MELK: variants seen among roughly 807,000 people sequenced by gnomAD.
The protein encoded by MELK is pEg3 kinase.
MELK carries 81 observed loss-of-function variants against 85.0 expected under a neutral mutation model. That is an observed-to-expected ratio of 0.95 (90% confidence interval 0.80 to 1.15). MELK has a LOEUF of 1.15. MELK is among the 50% of genes most tolerant of loss of function. The pLI is 0.00. For synonymous variants in MELK, 252 were observed against 265.0 expected (o/e 0.95, Z 0.48); for missense variants, 754 against 777.5 (o/e 0.97, Z 0.36).
At chr9:36,574,865 G>A (rs1486974113) in intron 1 of MELK, among the ~76,000 whole-genome samples, 1 of 152,040 alleles carries the variant, frequency 6.6e-6, no homozygotes, top group Non-Finnish European at 1.5e-5. Flanking sequence ...GGCCGGGCGC[G>A]GTGGCTCACG....
intron 11 of MELK, among the ~76,000 whole-genome samples, chr9:36,650,753 G>GT (rs376721099): frequency 6.6e-6 from 1 of 152,236 alleles, no homozygotes; most frequent in Non-Finnish European, 1.5e-5. Flanking sequence ...GGGCTACATT[G>GT]TAAGATAGAG....
At chr9:36,669,091 AAAG>A (rs977685265) in intron 14 of MELK, among the ~76,000 whole-genome samples, 63 of 152,360 alleles carry the variant, frequency 4.1e-4, no homozygotes, top group African/African-American at 1.5e-3. Context: ...TGAAGAAAAA[AAAG>A]AAGAGCCACA....
intron 4 of MELK, among the ~76,000 whole-genome samples, chr9:36,592,285 C>T (rs1163751330): frequency 4.6e-5 from 7 of 150,664 alleles, no homozygotes. Context: ...AGTGATTTTC[C>T]TGCCCCAGCC....
At chr9:36,640,502 A>G (rs1441794975) in intron 10 of MELK, among the ~76,000 whole-genome samples, 1 of 152,120 alleles carries the variant, frequency 6.6e-6, no homozygotes, top group Non-Finnish European at 1.5e-5. Context: ...GCTGGAGTGC[A>G]GTGGCTTGAT....
At chr9:36,656,885 G>A (rs1462629328) in intron 12 of MELK, among the ~76,000 whole-genome samples, 1 of 152,190 alleles carries the variant, frequency 6.6e-6, no homozygotes, top group Non-Finnish European at 1.5e-5. Flanking sequence ...CCAAAGTGCT[G>A]GGATTACAGG....
chr9:36,587,755 C>T (rs903686460), intron 3 of MELK, among the ~76,000 whole-genome samples: 3 of 151,794 alleles, frequency 2.0e-5, no homozygotes, highest in African/African-American at 4.8e-5. Flanking sequence ...TGCCACCACG[C>T]CCAGCTAATT....
chr9:36,618,553 T>C (rs1827086484), intron 8 of MELK, among the ~76,000 whole-genome samples: 2 of 152,202 alleles, frequency 1.3e-5, no homozygotes, highest in African/African-American at 4.8e-5. Flanking sequence ...AGACAACTTG[T>C]TAAATCTAAT....
intron 11 of MELK, among the ~76,000 whole-genome samples, chr9:36,646,297 T>C (rs534541244): frequency 6.6e-6 from 1 of 152,280 alleles, no homozygotes; most frequent in South Asian, 2.1e-4. Flanking sequence ...TTCTGTGACA[T>C]CCTGAGAGCT....
At chr9:36,595,605 GTT>G (rs60428796) in intron 5 of MELK, among the ~76,000 whole-genome samples, 21,809 of 122,732 alleles carry the variant, frequency 0.18, 2,549 homozygotes, top group African/African-American at 0.35. Flanking sequence ...TAAATGTCTT[GTT>G]TTTTTTTTTT....
chr9:36,657,376 T>C lies in MELK; in HGVS notation c.1176+13T>C. ...CCGAACATCACAGGTTCGTCATTCT[T>C]ATTACTATTTAAGGCAGAATCTATT... is the stretch of plus-strand genomic sequence containing the variant. On this transcript the variant is annotated intron_variant, in intron 13 of 17. Transcript: ENST00000298048. 1 of 1,595,388 alleles carries C rather than the reference T, an allele frequency of 6.3e-7. No individual in the cohort carries two copies. The highest frequency in any genetic ancestry group is 8.5e-7 in the Non-Finnish European group (1 of 1,173,878).
At chr9:36,596,939 G>T (rs187618020) in intron 5 of MELK, among the ~76,000 whole-genome samples, 1 of 152,236 alleles carries the variant, frequency 6.6e-6, no homozygotes, top group Non-Finnish European at 1.5e-5. Flanking sequence ...GTCATTTTCA[G>T]TTTGTTGTAC....
At chr9:36,633,037 A>T in intron 9 of MELK, 65 bp from the exon 10 acceptor site, 1 of 1,146,822 alleles carries the variant, frequency 8.7e-7, no homozygotes, top group Middle Eastern at 2.0e-4. Context: ...AGTTTTCAGG[A>T]GGAAAGGTGT....
intron 15 of MELK, among the ~76,000 whole-genome samples, chr9:36,670,632 C>A (rs1398002042): frequency 2.0e-5 from 3 of 151,314 alleles, no homozygotes; most frequent in Non-Finnish European, 2.9e-5. Context: ...AATATATTAT[C>A]TATATCCAAA....
chr9:36,618,959 A>AC (rs1240811486), intron 8 of MELK, among the ~76,000 whole-genome samples: 2,614 of 141,638 alleles, frequency 0.018, 74 homozygotes, highest in African/African-American at 0.06. Context: ...AACTCTAAGT[A>AC]TTTTTTTTTT....
intron 8 of MELK, among the ~76,000 whole-genome samples, chr9:36,621,460 T>A (rs1184735729): frequency 6.6e-6 from 1 of 152,038 alleles, no homozygotes; most frequent in African/African-American, 2.4e-5. Context: ...CACACCCAGC[T>A]AATTTTCGTT....
chr9:36,660,943 T>C (rs1409472902), intron 13 of MELK, among the ~76,000 whole-genome samples: 1 of 151,950 alleles, frequency 6.6e-6, no homozygotes, highest in Non-Finnish European at 1.5e-5. Flanking sequence ...GTGAGCTGAG[T>C]TCACGCCATT....
intron 10 of MELK, among the ~76,000 whole-genome samples, chr9:36,641,552 C>T (rs72733436): frequency 0.027 from 4,080 of 151,670 alleles, 76 homozygotes; most frequent in Non-Finnish European, 0.039. Flanking sequence ...GGAGAGGAGG[C>T]CTTTAAGCAG....
intron 10 of MELK, 134 bp from the exon 11 acceptor site, chr9:36,642,863 C>T: frequency 1.6e-6 from 1 of 641,444 alleles, no homozygotes; most frequent in African/African-American, 1.9e-5. Flanking sequence ...TGATTCTTCC[C>T]CAAGAAATTG....
Position 36,671,933 on chromosome 9 carries a change from G to A in MELK, c.1674+767G>A, listed in dbSNP as rs374005492. On this transcript the variant is annotated intron_variant, in intron 16 of 17. Transcript: ENST00000298048. Reference sequence around the variant, plus strand: ...TGAAAACAGGCTGGGATGTTGTTCTGAAACACTGGGCTCAGTGCTATAGTA... The same window carrying A: ...TGAAAACAGGCTGGGATGTTGTTCTAAAACACTGGGCTCAGTGCTATAGTA... Among the ~76,000 whole-genome samples the A allele has an allele frequency of 1.3e-3, 204 of 152,282 alleles. 3 individuals are homozygous for A. The South Asian group carries it at 0.039, about 29-fold the overall frequency.
Sources: gnomAD v4.1 joint callset for allele counts (sites outside exome capture counted in the v4.1 genomes callset) on GRCh38, gnomAD v4.1.1 for gene constraint, MANE v1.5 for transcripts, NCBI Gene and HGNC (gene_info 2026-07-23, HGNC 2026-07-21) for gene names.